The following OFD1 variants were observed in gnomAD, a reference collection of about 807,000 sequenced individuals.
The protein encoded by OFD1 is centriole and centriolar satellite protein OFD1.
In OFD1, 12 loss-of-function variants were observed where a neutral mutation model predicts 81.4. That is an observed-to-expected ratio of 0.15 (90% CI 0.09 to 0.24). OFD1 has a LOEUF of 0.24. Ranked by LOEUF, OFD1 falls within the 10% of genes least tolerant of loss-of-function variation. The pLI is 1.00. For synonymous variants in OFD1, 256 were observed against 263.7 expected, an observed-to-expected ratio of 0.97 and a Z score of 0.28; for missense variants, 685 against 733.9, an observed-to-expected ratio of 0.93 and a Z score of 0.77.
chrX:13,736,274 C>T, intron 2 of OFD1: 1 of 1,051,820 alleles, frequency 9.5e-7, no homozygotes, highest in Non-Finnish European at 1.2e-6. Context: ...TTCTAGAACC[C>T]ACTGGACTGC....
rs146769059 is a variant in OFD1 at position 13,752,267 on chromosome X, C to T, written c.1055+899C>T. On this transcript the variant is annotated intron_variant, in intron 10 of 22. Transcript: ENST00000340096. ...ATCAGTGAATAATATCTCAGTGCTA[C>T]GACATTATGCCCATGTGGTAACATT... is the stretch of plus-strand genomic sequence containing the variant. Among the ~76,000 whole-genome samples the T allele has an allele frequency of 7.7e-3, 869 of 112,216 alleles. 10 individuals carry two copies. The highest frequency in any genetic ancestry group is 0.026 in the African/African-American group (809 of 30,840).
downstream of OFD1, chrX:13,769,401 C>T (rs2147092013): frequency 3.8e-6 from 1 of 264,385 alleles, no homozygotes; most frequent in East Asian, 7.2e-5. Flanking sequence ...ACCTATCTTA[C>T]TGCTCAACTG....
At chrX:13,721,844 ATCTAAGGC>A in the OFD1 span, 3 of 110,323 alleles carry the variant, frequency 2.7e-5, no homozygotes, top group African/African-American at 6.6e-5. Context: ...TTTTGCGACC[ATCTAAGGC>A]TGCTCTCACG....
chrX:13,735,560 A>AC (rs2046827770), intron 2 of OFD1, among the ~76,000 whole-genome samples: 1 of 112,620 alleles, frequency 8.9e-6, no homozygotes, highest in Non-Finnish European at 1.9e-5. Context: ...GTCTTAAAGG[A>AC]GCATATTCAA....
intron 8 of OFD1, among the ~76,000 whole-genome samples, chrX:13,748,047 G>A (rs772844562): frequency 1.8e-5 from 2 of 111,986 alleles, no homozygotes; most frequent in South Asian, 3.7e-4. Context: ...CTTCCCCCTA[G>A]TGTCCACTCT....
chrX:13,758,706 A>T (rs757112561), intron 15 of OFD1, among the ~76,000 whole-genome samples: 1 of 111,542 alleles, frequency 9.0e-6, no homozygotes, highest in South Asian at 3.7e-4. Flanking sequence ...TGGTGGTAAC[A>T]TAGAAGTCCC....
At chrX:13,764,863 C>T (rs771964993) in intron 19 of OFD1, among the ~76,000 whole-genome samples, 27 of 111,278 alleles carry the variant, frequency 2.4e-4, no homozygotes, top group Non-Finnish European at 4.5e-4. Flanking sequence ...CTCAAGCCCT[C>T]GCCTTCCTGG....
At chrX:13,746,657 C>T in intron 7 of OFD1, 123 bp from the exon 8 acceptor site, 1 of 683,173 alleles carries the variant, frequency 1.5e-6, no homozygotes, top group Non-Finnish European at 2.2e-6. Flanking sequence ...TGAGATAAAA[C>T]TAACATGAAA....
chrX:13,732,489 G>A (rs1165225569), upstream of OFD1, among the ~76,000 whole-genome samples: 1 of 112,997 alleles, frequency 8.8e-6, no homozygotes, highest in East Asian at 2.8e-4. Flanking sequence ...CCAGGAACTG[G>A]CGCTGAGAAA....
intron 1 of OFD1, 29 bp from the exon 2 acceptor site, chrX:13,735,219 A>G: frequency 8.3e-7 from 1 of 1,201,019 alleles, no homozygotes; most frequent in Non-Finnish European, 1.1e-6. Context: ...TCTGCCCCGC[A>G]GGTAACCTAT....
chrX:13,726,690 T>G, the OFD1 span, among the ~76,000 whole-genome samples: 2 of 111,849 alleles, frequency 1.8e-5, no homozygotes, highest in Non-Finnish European at 3.8e-5. Context: ...ATGAAGAAAC[T>G]GCATCAGTTA....
At chrX:13,734,110 C>T, upstream of OFD1, 1 of 512,941 alleles carries the variant, frequency 1.9e-6, no homozygotes, top group Non-Finnish European at 3.5e-6. Flanking sequence ...CAACCCGGAG[C>T]GATCTTGCTT....
Position 13,760,542 on chromosome X carries a change from G to C in OFD1, c.2082G>C (p.Glu694Asp), listed in dbSNP as rs1336595000. The C allele has an allele frequency of 8.4e-7, 1 of 1,186,461 alleles. No homozygotes were observed. The highest frequency in any genetic ancestry group is 1.1e-6 in the Non-Finnish European group (1 of 884,417). ...CCCCGGAAAGACATATTTTTGGAGAGGACAGAGTTGTCTCTGAGCAGCCTC... is the reference window on the plus strand; with the variant it reads ...CCCCGGAAAGACATATTTTTGGAGACGACAGAGTTGTCTCTGAGCAGCCTC... ...SSSPERHIFGEDRVVSEQPQV... is the reference protein window; with the variant it reads ...SSSPERHIFGDDRVVSEQPQV... The change falls in exon 16 of 23, where the codon GAG becomes GAC. Residue 694 changes from glutamate (E) to aspartate (D), a missense_variant. Physicochemically the swap from Glu to Asp is conservative, Grantham distance 45. Around this residue, in one of 3 missense-constraint regions of OFD1, gnomAD observed 259 missense variants for 254.4 expected, o/e 1.02. Transcript: ENST00000340096.
chrX:13,758,414 C>T lies in OFD1; in HGVS notation c.1620C>T (p.Ala540=), dbSNP rs142659184. 7.7e-5 allele frequency: 93 copies of T among 1,200,692 alleles called. No individual in the cohort carries two copies. Among genetic ancestry groups the T allele is most frequent in the Non-Finnish European group, 9.7e-5 (86 of 887,951 alleles). ...ASVKSLTTQV[A]DLKLQLKQTQ... ...TAAAGAGTTTAACTACTCAGGTTGC[C>T]GATTTAAAATTGCAACTGAAGCAAA... The change falls in exon 15 of 23, where the codon GCC becomes GCT. Residue 540 remains alanine, a synonymous_variant. Transcript: ENST00000340096.
intron 11 of OFD1, among the ~76,000 whole-genome samples, chrX:13,754,034 T>G (rs2047604664): frequency 9.2e-6 from 1 of 108,646 alleles, no homozygotes; most frequent in African/African-American, 3.4e-5. Context: ...TAGGCTGGAG[T>G]GCAGTGGTGC....
chrX:13,760,475 C>A lies in OFD1; in HGVS notation c.2015C>A (p.Ser672Tyr). The change falls in exon 16 of 23, where the codon TCT (serine) becomes TAT (tyrosine). Residue 672 changes from serine (S) to tyrosine (Y), a missense_variant. This residue lies in a region of OFD1 where 259 missense variants were observed against 254.4 expected (regional missense o/e 1.02). Coordinates refer to ENST00000340096, the MANE Select transcript of OFD1 (RefSeq NM_003611.3). Reference protein sequence around the residue: ...KSPLAAKSPPSLHLLEAFKNI... With the variant: ...KSPLAAKSPPYLHLLEAFKNI... Reference sequence around the variant, plus strand: ...CCACTAGCAGCAAAGAGCCCACCATCTCTGCACTTGCTGGAAGCCTTCAAA... The same window carrying A: ...CCACTAGCAGCAAAGAGCCCACCATATCTGCACTTGCTGGAAGCCTTCAAA... 1 of 1,172,936 alleles carries A rather than the reference C, an allele frequency of 8.5e-7. No individual in the cohort carries two copies. The highest frequency in any genetic ancestry group is 1.1e-6 in the Non-Finnish European group (1 of 878,412).
chrX:13,744,824 A>G (rs1208939056), intron 6 of OFD1, among the ~76,000 whole-genome samples: 2 of 112,451 alleles, frequency 1.8e-5, no homozygotes, highest in African/African-American at 6.5e-5. Context: ...TGTCTTGTCT[A>G]ACTTTACAGC....
chrX:13,773,523 A>T (rs2048342625), downstream of OFD1: 2 of 111,941 alleles, frequency 1.8e-5, no homozygotes, highest in African/African-American at 6.5e-5. Context: ...AAAAAATTAA[A>T]TGAATGTCAA....
chrX:13,734,206 G>A (rs1055033547), upstream of OFD1: 6 of 466,507 alleles, frequency 1.3e-5, no homozygotes, highest in South Asian at 9.4e-5. Flanking sequence ...AGAGAGCAAG[G>A]ATACAGCTAA....
Sources: allele counts gnomAD v4.1 joint callset (sites outside exome capture counted in the v4.1 genomes callset), GRCh38; gene constraint gnomAD v4.1.1; regional missense constraint gnomAD v4.1.1; transcripts MANE v1.5; gene names NCBI Gene and HGNC (gene_info 2026-07-23, HGNC 2026-07-21).